The following SMARCA5 variants were observed in gnomAD, a reference collection of about 807,000 sequenced individuals.
SMARCA5 encodes the protein SNF2 related chromatin remodeling ATPase 5.
Under a neutral mutation model 140.4 loss-of-function variants are expected in SMARCA5, and 18 were observed. That is an observed-to-expected ratio of 0.13 (90% CI 0.09 to 0.19). SMARCA5 has a LOEUF of 0.19. SMARCA5 is among the 10% of genes least tolerant of loss of function. The probability of loss-of-function intolerance (pLI) is 1.00; values close to 1 mark genes in which losing one functional copy is unlikely to be tolerated. For missense variants in SMARCA5, 606 were observed against 1,276.8 expected, an observed-to-expected ratio of 0.47 and a Z score of 8.01; for synonymous variants, 449 against 419.6, an observed-to-expected ratio of 1.07 and a Z score of -0.86.
In SMARCA5 at chr4:143,538,704, A is replaced by G. The variant is rs780882749; in HGVS notation, c.1610A>G (p.Glu537Gly). 28 of 1,613,802 alleles carry G rather than the reference A, an allele frequency of 1.7e-5. 1 individual carries two copies. The highest frequency in any genetic ancestry group is 1.7e-6 in the Non-Finnish European group (2 of 1,179,948). ...CRLDGQTPHD[E>G]RQDSINAYNE... ...TTGGATGGTCAGACACCCCATGATGAGAGACAAGTGAGTAAAATTTGGGGA... is the reference window on the plus strand; with the variant it reads ...TTGGATGGTCAGACACCCCATGATGGGAGACAAGTGAGTAAAATTTGGGGA... The change falls in exon 12 of 24, where the codon GAG becomes GGG. Residue 537 changes from glutamate (E) to glycine (G), a missense_variant. Transcript: ENST00000283131.
chr4:143,537,615 A>G (rs1198572393), intron 11 of SMARCA5, among the ~76,000 whole-genome samples: 1 of 152,154 alleles, frequency 6.6e-6, no homozygotes, highest in Non-Finnish European at 1.5e-5. Flanking sequence ...TGAAAGGTAT[A>G]TTAAACTCTG....
Position 143,555,198 on chromosome 4 carries a change from T to TTA in SMARCA5, c.*2014_*2015insTA. 1.4e-6 allele frequency: 1 copy of TTA among 707,822 alleles called. No homozygotes were observed. The highest frequency in any genetic ancestry group is 2.5e-6 in the Non-Finnish European group (1 of 392,788). 43.8% of individuals were successfully genotyped at this position (707,822 alleles called of 1,614,324 possible). On this transcript the variant is annotated 3_prime_UTR_variant, in exon 24 of 24. Coordinates refer to ENST00000283131, the MANE Select transcript of SMARCA5 (RefSeq NM_003601.4). ...CGTGGTTTGGCAAAGTATTGGCCTC[T>TTA]ACCACCATAGGGCCCAGAGCTTCTG...
Position 143,519,149 on chromosome 4 carries a change from C to T in SMARCA5, c.252+1720C>T, listed in dbSNP as rs539168781. On this transcript the variant is annotated intron_variant, in intron 2 of 23. Transcript: ENST00000283131. ...ACCTCTAGCCCAGAAGCCTGTAATC[C>T]GTATTTTCATTTACTTTAAAATCCT... 3.9e-5 allele frequency among the ~76,000 whole-genome samples: 6 copies of T among 152,130 alleles called. No individual in the cohort carries two copies. In the East Asian group the frequency reaches 9.7e-4, roughly 25 times the overall value.
At chr4:143,525,926 G>T (rs143214649) in intron 5 of SMARCA5, among the ~76,000 whole-genome samples, 1 of 152,242 alleles carries the variant, frequency 6.6e-6, no homozygotes, top group Admixed American at 6.5e-5. Context: ...TTAACTACTA[G>T]TTATGTAATG....
intron 1 of SMARCA5, chr4:143,514,403 A>G: frequency 3.0e-6 from 1 of 338,524 alleles, no homozygotes; most frequent in Non-Finnish European, 5.4e-6. Context: ...CGGGGGACCC[A>G]TCGTTTTTTT....
At chr4:143,522,302 T>C (rs1027946969) in intron 3 of SMARCA5, among the ~76,000 whole-genome samples, 1 of 152,220 alleles carries the variant, frequency 6.6e-6, no homozygotes, top group Admixed American at 6.5e-5. Flanking sequence ...ACATGTTGAA[T>C]TTGGAAATTC....
At chr4:143,547,236 G>A (rs1409155390) in intron 20 of SMARCA5, 149 bp from the exon 21 acceptor site, 4 of 566,260 alleles carry the variant, frequency 7.1e-6, no homozygotes, top group Non-Finnish European at 1.3e-5. Flanking sequence ...TGTATTATTA[G>A]GTTAACATGT....
chr4:143,550,225 CTTTTTTTTT>C lies in SMARCA5; in HGVS notation c.3093+133_3093+141del, dbSNP rs70953739. ...GTTGTGCACCCCTCCATTGCCTTTACTTTTTTTTTTTTTTTTTTTTCCTTAAGGGAGAAC... is the reference window on the plus strand; with the variant it reads ...GTTGTGCACCCCTCCATTGCCTTTACTTTTTTTTTTTCCTTAAGGGAGAAC... On this transcript the variant is annotated intron_variant, in intron 23 of 23. Coordinates refer to ENST00000283131, the MANE Select transcript of SMARCA5 (RefSeq NM_003601.4). 298 of 215,600 alleles carry C rather than the reference CTTTTTTTTT, an allele frequency of 1.4e-3. 1 individual carries two copies. Among genetic ancestry groups the C allele is most frequent in the African/African-American group, 8.6e-3 (275 of 32,104 alleles). 13.4% of individuals were successfully genotyped at this position (215,600 alleles called of 1,614,324 possible).
intron 9 of SMARCA5, among the ~76,000 whole-genome samples, chr4:143,530,796 C>T (rs1381546031): frequency 1.3e-5 from 2 of 152,002 alleles, no homozygotes; most frequent in East Asian, 1.9e-4. Flanking sequence ...AGAAGAATTG[C>T]ATAATAATTA....
Position 143,527,936 on chromosome 4 carries a change from T to G in SMARCA5, c.870T>G (p.Leu290=). Residue 290 remains leucine, a synonymous_variant, in exon 7 of 24, where the codon CTT becomes CTG. Transcript: ENST00000283131. ...WDVCVTSYEM[L]IKEKSVFKKF... ...TATGTGTAACATCTTATGAAATGCT[T>G]ATTAAAGAGAAGTCTGTGTTCAAAA... 1.2e-6 allele frequency: 2 copies of G among 1,602,204 alleles called. No homozygotes were observed. Among genetic ancestry groups the G allele is most frequent in the South Asian group, 2.3e-5 (2 of 88,654 alleles).
chr4:143,534,782 A>G, intron 9 of SMARCA5, 73 bp from the exon 10 acceptor site: 1 of 1,073,558 alleles, frequency 9.3e-7, no homozygotes, highest in Non-Finnish European at 1.3e-6. Context: ...TATTTTATAT[A>G]CAATTCTAAG....
chr4:143,534,979 A>G lies in SMARCA5; in HGVS notation c.1268+15A>G. On this transcript the variant is annotated intron_variant, in intron 10 of 23. Coordinates refer to ENST00000283131, the MANE Select transcript of SMARCA5 (RefSeq NM_003601.4). Reference sequence around the variant, plus strand: ...CAAAGGGAATGGTATGTATTCTCAGATGTACTTGATAGCACTATTGATTCT... The same window carrying G: ...CAAAGGGAATGGTATGTATTCTCAGGTGTACTTGATAGCACTATTGATTCT... The G allele has an allele frequency of 6.8e-7, 1 of 1,480,818 alleles. No individual in the cohort carries two copies. Among genetic ancestry groups the G allele is most frequent in the South Asian group, 1.2e-5 (1 of 85,126 alleles). 91.7% of individuals were successfully genotyped at this position (1,480,818 alleles called of 1,614,324 possible).
chr4:143,524,898 T>C (rs1737036019), intron 4 of SMARCA5, among the ~76,000 whole-genome samples: 1 of 152,190 alleles, frequency 6.6e-6, no homozygotes, highest in Non-Finnish European at 1.5e-5. Flanking sequence ...AGGGCTACAC[T>C]GTGTACATAT....
intron 2 of SMARCA5, among the ~76,000 whole-genome samples, chr4:143,518,738 GTAAC>G (rs1463263503): frequency 6.6e-6 from 1 of 151,962 alleles, no homozygotes; most frequent in Non-Finnish European, 1.5e-5. Context: ...ATGTATATAT[GTAAC>G]TGTCACCTTT....
rs1406991734 is a variant in SMARCA5, at chr4:143,524,249, G to A, written c.420-118G>A. On this transcript the variant is annotated intron_variant, in intron 3 of 23. Coordinates refer to ENST00000283131, the MANE Select transcript of SMARCA5 (RefSeq NM_003601.4). ...TATTTTCTACTGTCCACTGGTTGAT[G>A]CCTGTTAAAAATTTAATTTTGTGGA... 5 of 589,694 alleles carry A rather than the reference G, an allele frequency of 8.5e-6. No homozygotes were observed. The Admixed American group carries it at 1.3e-4, about 16-fold the overall frequency. 36.5% of individuals were successfully genotyped at this position (589,694 alleles called of 1,614,324 possible).
intron 5 of SMARCA5, 96 bp from the exon 6 acceptor site, chr4:143,526,185 A>G (rs1737068874): frequency 2.1e-6 from 2 of 971,626 alleles, no homozygotes; most frequent in African/African-American, 1.6e-5. Context: ...ATAAATATGT[A>G]GCATTTCTTT....
intron 2 of SMARCA5, among the ~76,000 whole-genome samples, chr4:143,520,714 CTA>C (rs767955930): frequency 6.6e-6 from 1 of 152,090 alleles, no homozygotes; most frequent in Non-Finnish European, 1.5e-5. Context: ...TTTCATCAAA[CTA>C]TTATTGTTTT....
chr4:143,528,159 A>G lies in SMARCA5; in HGVS notation c.957+136A>G, dbSNP rs555362433. ...TTGTTAACATAGGTATGCATGTGCC[A>G]TGGTGGTTTGCTGCACCCCATCATC... On this transcript the variant is annotated intron_variant, in intron 7 of 23. Transcript: ENST00000283131. 91 of 626,780 alleles carry G rather than the reference A, an allele frequency of 1.5e-4. No homozygotes were observed. The East Asian group carries it at 2.5e-3, about 17-fold the overall frequency. 38.8% of individuals were successfully genotyped at this position (626,780 alleles called of 1,614,324 possible). A position where few individuals can be genotyped will look rare whatever the true frequency, so the allele number is the denominator to read the frequency against.
chr4:143,521,588 G>T lies in SMARCA5; in HGVS notation c.412G>T (p.Val138Phe). Residue 138 changes from valine (V) to phenylalanine (F), a missense_variant, in exon 3 of 24, where the codon GTT becomes TTT. By Grantham distance (50) the Val-to-Phe change is conservative (BLOSUM62 -1). This residue lies in a region of SMARCA5 where 110 missense variants were observed against 287.7 expected (regional missense o/e 0.38). Coordinates refer to ENST00000283131, the MANE Select transcript of SMARCA5 (RefSeq NM_003601.4). Reference sequence around the variant, plus strand: ...AGATGAGAAGCAGAACTTACTATCCGTTGGCGAGTGAGTAATAGTTTAAAC... The same window carrying T: ...AGATGAGAAGCAGAACTTACTATCCTTTGGCGAGTGAGTAATAGTTTAAAC... The part of the protein sequence containing the change: ...KKDEKQNLLS[V>F]GDYRHRRTEQ... 6.2e-7 allele frequency: 1 copy of T among 1,609,742 alleles called. No individual in the cohort carries two copies. Among genetic ancestry groups the T allele is most frequent in the Non-Finnish European group, 8.5e-7 (1 of 1,178,420 alleles).
Sources: gnomAD v4.1 joint callset for allele counts (sites outside exome capture counted in the v4.1 genomes callset) on GRCh38, gnomAD v4.1.1 for gene constraint, gnomAD v4.1.1 regional missense constraint, MANE v1.5 for transcripts, NCBI Gene and HGNC (gene_info 2026-07-23, HGNC 2026-07-21) for gene names.